Variants in BICC1 observed in about 807,000 individuals in gnomAD.
BICC1 encodes protein bicaudal C homolog 1.
A neutral mutation model predicts 111.0 loss-of-function variants in BICC1; 43 were observed. That is an observed-to-expected ratio of 0.39 (90% CI 0.30 to 0.50). The LOEUF (loss-of-function observed/expected upper bound fraction) is 0.50, where lower values mean the gene tolerates loss of function less well. Ranked by LOEUF, BICC1 falls within the 20% of genes least tolerant of loss-of-function variation. The probability of loss-of-function intolerance (pLI) is 0.88; values close to 1 mark genes in which losing one functional copy is unlikely to be tolerated. For synonymous variants in BICC1, 467 were observed against 434.4 expected, an observed-to-expected ratio of 1.07 and a Z score of -0.93; for missense variants, 1,091 against 1,203.2, an observed-to-expected ratio of 0.91 and a Z score of 1.38.
chr10:58,584,055 AAC>A (rs140080926), intron 1 of BICC1, among the ~76,000 whole-genome samples: 8,931 of 147,612 alleles, frequency 0.061, 595 homozygotes, highest in African/African-American at 0.17. Flanking sequence ...GTAAACATGA[AAC>A]ACACACACAC....
intron 2 of BICC1, among the ~76,000 whole-genome samples, chr10:58,698,531 A>G (rs912866890): frequency 5.3e-5 from 8 of 152,076 alleles, no homozygotes; most frequent in African/African-American, 1.9e-4. Flanking sequence ...CCCTCTGTAC[A>G]TGCTCATATT....
At chr10:58,782,885 A>G (rs906316771) in intron 3 of BICC1, among the ~76,000 whole-genome samples, 1 of 152,212 alleles carries the variant, frequency 6.6e-6, no homozygotes, top group Admixed American at 6.5e-5. Context: ...GTCTGTTTAC[A>G]TAAGTGTGGT....
At chr10:58,536,179 A>G (rs1166366460) in intron 1 of BICC1, among the ~76,000 whole-genome samples, 2 of 151,718 alleles carry the variant, frequency 1.3e-5, no homozygotes, top group African/African-American at 4.8e-5. Flanking sequence ...TGAGGCAGAA[A>G]GTCAACAAAG....
Position 58,640,573 on chromosome 10 carries a change from G to T in BICC1, c.237+19672G>T, listed in dbSNP as rs1001939040. On this transcript the variant is annotated intron_variant, in intron 2 of 20. Coordinates refer to ENST00000373886, the MANE Select transcript of BICC1 (RefSeq NM_001080512.3). ...ATAGACATTTGTTAAACCCTAAGATGGTTATTGCAGCCATGGGATACTCAA... is the reference window on the plus strand; with the variant it reads ...ATAGACATTTGTTAAACCCTAAGATTGTTATTGCAGCCATGGGATACTCAA... Among the ~76,000 whole-genome samples, 4 of 152,100 alleles carry T rather than the reference G, an allele frequency of 2.6e-5. No individual in the cohort carries two copies. The South Asian group carries it at 8.3e-4, about 32-fold the overall frequency.
At chr10:58,696,271 C>T (rs1266287696) in intron 2 of BICC1, among the ~76,000 whole-genome samples, 3 of 151,750 alleles carry the variant, frequency 2.0e-5, no homozygotes, top group Non-Finnish European at 4.4e-5. Flanking sequence ...AAAGCTGTTA[C>T]ATATCTATAG....
intron 2 of BICC1, among the ~76,000 whole-genome samples, chr10:58,686,812 A>G (rs887391003): frequency 4.6e-5 from 7 of 152,176 alleles, no homozygotes; most frequent in African/African-American, 1.7e-4. Context: ...ATGGGTTCGA[A>G]CATCCTTCTT....
At chr10:58,649,564 T>A (rs1838378858) in intron 2 of BICC1, among the ~76,000 whole-genome samples, 1 of 152,022 alleles carries the variant, frequency 6.6e-6, no homozygotes, top group Non-Finnish European at 1.5e-5. Context: ...ACTCTTCAAC[T>A]CCCACGAGAG....
intron 1 of BICC1, among the ~76,000 whole-genome samples, chr10:58,584,453 C>T (rs376828428): frequency 2.6e-5 from 4 of 152,232 alleles, no homozygotes; most frequent in South Asian, 4.1e-4. Context: ...ATATCTGGTG[C>T]GCTCCTCTGA....
chr10:58,681,341 G>A (rs911507751), intron 2 of BICC1, among the ~76,000 whole-genome samples: 6 of 152,080 alleles, frequency 3.9e-5, no homozygotes, highest in Non-Finnish European at 8.8e-5. Flanking sequence ...TCAAAAAGTG[G>A]GTGAAGGATA....
intron 1 of BICC1, among the ~76,000 whole-genome samples, chr10:58,552,901 CA>C: frequency 6.6e-6 from 1 of 152,122 alleles, no homozygotes; most frequent in Non-Finnish European, 1.5e-5. Flanking sequence ...GTATGTAGAA[CA>C]TTCCACGTAG....
intron 2 of BICC1, among the ~76,000 whole-genome samples, chr10:58,649,778 T>A (rs1003503033): frequency 6.6e-6 from 1 of 152,122 alleles, no homozygotes; most frequent in African/African-American, 2.4e-5. Flanking sequence ...TCTAGCAACA[T>A]GGGATTACAT....
chr10:58,551,982 CCCTT>C (rs1843308809), intron 1 of BICC1, among the ~76,000 whole-genome samples: 1 of 151,794 alleles, frequency 6.6e-6, no homozygotes, highest in African/African-American at 2.4e-5. Flanking sequence ...GATAGACTCT[CCCTT>C]CTTTTTTTAG....
chr10:58,542,900 C>G (rs1045933705), intron 1 of BICC1, among the ~76,000 whole-genome samples: 1 of 151,702 alleles, frequency 6.6e-6, no homozygotes, highest in African/African-American at 2.4e-5. Flanking sequence ...GGAGAAATTG[C>G]AATCCTTTTG....
intron 20 of BICC1, among the ~76,000 whole-genome samples, chr10:58,826,123 G>A (rs1243866490): frequency 6.6e-6 from 1 of 152,072 alleles, no homozygotes; most frequent in Non-Finnish European, 1.5e-5. Context: ...AGTGGGTGCA[G>A]GATTGTTATA....
intron 2 of BICC1, among the ~76,000 whole-genome samples, chr10:58,676,014 A>G (rs1839328499): frequency 6.6e-6 from 1 of 152,134 alleles, no homozygotes; most frequent in Non-Finnish European, 1.5e-5. Flanking sequence ...GAGTCGCCTC[A>G]CCTGGGAAGT....
chr10:58,575,053 G>A (rs187555696), intron 1 of BICC1, among the ~76,000 whole-genome samples: 1 of 150,558 alleles, frequency 6.6e-6, no homozygotes, highest in South Asian at 2.1e-4. Context: ...TGGGATACAT[G>A]TGCAGAACGT....
At chr10:58,653,815 A>G (rs537795449) in intron 2 of BICC1, among the ~76,000 whole-genome samples, 80 of 134,850 alleles carry the variant, frequency 5.9e-4, no homozygotes, top group African/African-American at 1.9e-3. Flanking sequence ...ATATCTCCCA[A>G]TGCTATCCCT....
chr10:58,599,796 TTG>T (rs1169128410), intron 1 of BICC1, among the ~76,000 whole-genome samples: 1 of 152,094 alleles, frequency 6.6e-6, no homozygotes, highest in Non-Finnish European at 1.5e-5. Flanking sequence ...AGACCAGTTT[TTG>T]TCCTTTTTAA....
intron 1 of BICC1, among the ~76,000 whole-genome samples, chr10:58,532,492 T>C (rs1842707078): frequency 6.6e-6 from 1 of 151,800 alleles, no homozygotes; most frequent in Admixed American, 6.6e-5. Context: ...ATTGATACTT[T>C]ACAAAAAATT....
Sources: allele counts gnomAD v4.1 joint callset (sites outside exome capture counted in the v4.1 genomes callset), GRCh38; gene constraint gnomAD v4.1.1; transcripts MANE v1.5; gene names NCBI Gene and HGNC (gene_info 2026-07-23, HGNC 2026-07-21).